THADA: variants seen among roughly 807,000 people sequenced by gnomAD.
THADA encodes the protein THADA armadillo repeat containing.
THADA carries 213 observed loss-of-function variants against 219.8 expected under a neutral mutation model. The ratio of observed to expected loss-of-function variants is 0.97; its 90% CI spans 0.87 to 1.09. The LOEUF (loss-of-function observed/expected upper bound fraction) is 1.09, where lower values mean the gene tolerates loss of function less well. Among genes scored for constraint, THADA ranks in the 50% least tolerant of loss-of-function variants. The probability of loss-of-function intolerance (pLI) is 0.00; values close to 1 mark genes in which losing one functional copy is unlikely to be tolerated. For missense variants in THADA, 2,956 were observed against 2,311.3 expected (o/e 1.28, Z -5.72); for synonymous variants, 1,018 against 828.9 (o/e 1.23, Z -3.92).
At chr2:43,232,599 G>A (rs1667568462) in intron 37 of THADA, 114 bp downstream of exon 37, 1 of 1,184,062 alleles carries the variant, frequency 8.4e-7, no homozygotes, top group East Asian at 2.6e-5. Context: ...TTTCCTAGTG[G>A]TTCCTGCTCT....
intron 31 of THADA, among the ~76,000 whole-genome samples, chr2:43,307,131 C>T (rs1191163461): frequency 1.2e-4 from 18 of 152,172 alleles, no homozygotes; most frequent in Admixed American, 9.8e-4. Context: ...TGTTTTTAAT[C>T]ATTGGATATG....
intron 29 of THADA, among the ~76,000 whole-genome samples, chr2:43,395,238 CT>C (rs1402506431): frequency 2.0e-5 from 3 of 152,236 alleles, no homozygotes; most frequent in African/African-American, 7.2e-5. Context: ...CTAGGCCTTC[CT>C]TCTAACTCAG....
intron 4 of THADA, among the ~76,000 whole-genome samples, chr2:43,590,084 A>G (rs914687111): frequency 6.6e-6 from 1 of 152,218 alleles, no homozygotes; most frequent in African/African-American, 2.4e-5. Context: ...CCAAAACGGT[A>G]AGTGACAATC....
chr2:43,457,142 ACACACACACAC>A (rs1683107128), intron 26 of THADA, among the ~76,000 whole-genome samples: 2 of 96,012 alleles, frequency 2.1e-5, no homozygotes, highest in African/African-American at 1.2e-4. Context: ...CTACACACAC[ACACACACACAC>A]ACACACACAC....
intron 15 of THADA, chr2:43,565,431 C>CA (rs5830762): frequency 0.4 from 36,209 of 90,950 alleles, 5,581 homozygotes; most frequent in South Asian, 0.5. Context: ...GACTCCGTCT[C>CA]AAAAAAAAAA....
At chr2:43,253,298 A>G (rs970154248) in intron 36 of THADA, among the ~76,000 whole-genome samples, 2 of 152,220 alleles carry the variant, frequency 1.3e-5, no homozygotes, top group Admixed American at 6.5e-5. Flanking sequence ...GGATGTGTGC[A>G]GGGGAAAGAG....
chr2:43,594,125 C>T (rs1400276507), intron 1 of THADA, among the ~76,000 whole-genome samples: 1 of 152,124 alleles, frequency 6.6e-6, no homozygotes, highest in African/African-American at 2.4e-5. Flanking sequence ...ACTCCTGAAA[C>T]AGCTCCCTAA....
intron 7 of THADA, among the ~76,000 whole-genome samples, chr2:43,584,037 TAAA>T (rs536050936): frequency 1.1e-4 from 7 of 65,604 alleles, no homozygotes; most frequent in South Asian, 5.1e-4. Context: ...TTGTCTCAAT[TAAA>T]AAAAAAAAAA....
chr2:43,496,309 G>A (rs72865263), intron 25 of THADA, among the ~76,000 whole-genome samples: 4,430 of 152,150 alleles, frequency 0.029, 139 homozygotes, highest in African/African-American at 0.082. Flanking sequence ...GAAAACACAC[G>A]AAAAATTACT....
At chr2:43,555,124 G>T (rs78868334) in intron 17 of THADA, among the ~76,000 whole-genome samples, 7 of 151,744 alleles carry the variant, frequency 4.6e-5, no homozygotes, top group African/African-American at 1.7e-4. Context: ...ACAGGAGAAC[G>T]GATTCATAAA....
intron 28 of THADA, among the ~76,000 whole-genome samples, chr2:43,417,045 T>C (rs1050708044): frequency 3.3e-5 from 5 of 149,594 alleles, no homozygotes; most frequent in East Asian, 1.9e-4. Flanking sequence ...TTCTTTTTTT[T>C]TTTTTTTTTT....
At position 43,581,725 on chromosome 2, in the gene THADA, A is replaced by T; in HGVS notation, c.721+16T>A. On this transcript the variant is annotated intron_variant, in intron 8 of 37. Coordinates refer to ENST00000405975, the MANE Select transcript of THADA (RefSeq NM_022065.5). ...TGTCAATTATATATCATTTGTATATAATTTGTTACACTTACCATCGCTTAA... is the reference window on the plus strand; with the variant it reads ...TGTCAATTATATATCATTTGTATATTATTTGTTACACTTACCATCGCTTAA... 6.3e-7 allele frequency: 1 copy of T among 1,599,942 alleles called. No individual in the cohort carries two copies. The highest frequency in any genetic ancestry group is 8.5e-7 in the Non-Finnish European group (1 of 1,174,504).
Position 43,292,917 on chromosome 2 carries a change from C to T in THADA, c.4735G>A (p.Gly1579Ser). Residue 1579 changes from glycine to serine, a missense_variant, in exon 32 of 38, where the codon GGC becomes AGC. By Grantham distance (56) the Gly-to-Ser change is moderately conservative. Transcript: ENST00000405975. ...LAAASGLGEK[G>S]VPPLLCNMGE... is the part of the protein sequence containing the mutation. ...ATGTTGCACAGCAAGGGTGGCACGCCCTTCTCTCCAAGTCCAGAGGCTGCT... is the reference window on the plus strand; with the variant it reads ...ATGTTGCACAGCAAGGGTGGCACGCTCTTCTCTCCAAGTCCAGAGGCTGCT... The T allele has an allele frequency of 6.2e-7, 1 of 1,614,034 alleles. No homozygotes were observed. The highest frequency in any genetic ancestry group is 8.5e-7 in the Non-Finnish European group (1 of 1,179,898).
chr2:43,442,422 A>G (rs1680960506), intron 26 of THADA, among the ~76,000 whole-genome samples: 1 of 152,182 alleles, frequency 6.6e-6, no homozygotes, highest in Non-Finnish European at 1.5e-5. Context: ...GGTGAGCGAC[A>G]GAGGGAGACT....
At chr2:43,375,212 A>C (rs1671236063) in intron 29 of THADA, among the ~76,000 whole-genome samples, 1 of 152,230 alleles carries the variant, frequency 6.6e-6, no homozygotes, top group African/African-American at 2.4e-5. Flanking sequence ...GCTTCAGTTC[A>C]GAGTTTAAGT....
At chr2:43,468,789 G>A (rs1247259278) in intron 26 of THADA, among the ~76,000 whole-genome samples, 1 of 152,138 alleles carries the variant, frequency 6.6e-6, no homozygotes, top group Non-Finnish European at 1.5e-5. Flanking sequence ...CCTAAGGAAA[G>A]GAAGACCAAG....
chr2:43,397,752 A>G (rs558181226), intron 29 of THADA, among the ~76,000 whole-genome samples: 23 of 152,216 alleles, frequency 1.5e-4, no homozygotes, highest in African/African-American at 5.3e-4. Flanking sequence ...ATGTATTGCA[A>G]AAGATAATAT....
At chr2:43,261,605 T>C (rs535182713) in intron 36 of THADA, among the ~76,000 whole-genome samples, 12 of 150,166 alleles carry the variant, frequency 8.0e-5, no homozygotes, top group Admixed American at 4.7e-4. Flanking sequence ...GGATTACAGG[T>C]GCATGCCACT....
At position 43,570,296 on chromosome 2, in the gene THADA, C is replaced by T. The variant is rs918344859; in HGVS notation, c.2187+92G>A. The T allele has an allele frequency of 3.9e-6, 5 of 1,271,964 alleles. No individual in the cohort carries two copies. The African/African-American group carries it at 7.7e-5, about 20-fold the overall frequency. The allele number at this position is 1,271,964 out of a possible 1,614,324, so 78.8% of individuals were successfully genotyped here. On this transcript the variant is annotated intron_variant, in intron 14 of 37. Transcript: ENST00000405975. ...GAAAAAAACACAGAAACACAATTTA[C>T]CAAGAGACTTCCATTTATTTCCCTT... is the stretch of plus-strand genomic sequence containing the variant.
Sources: gnomAD v4.1 joint callset for allele counts (sites outside exome capture counted in the v4.1 genomes callset) on GRCh38, gnomAD v4.1.1 for gene constraint, MANE v1.5 for transcripts, NCBI Gene and HGNC (gene_info 2026-07-23, HGNC 2026-07-21) for gene names.